The following OXR1 variants were observed in gnomAD, a reference collection of about 807,000 sequenced individuals.
OXR1 encodes oxidation resistance 1.
In OXR1, 41 loss-of-function variants were observed where a neutral mutation model predicts 104.6. That is an observed-to-expected ratio of 0.39 (90% CI 0.31 to 0.51). OXR1 has a LOEUF of 0.51. OXR1 is among the 20% of genes least tolerant of loss of function. OXR1 has a pLI of 0.77. For synonymous variants in OXR1, 348 were observed against 348.4 expected (o/e 1.00, Z 0.01); for missense variants, 955 against 1,031.9 (o/e 0.93, Z 1.02).
At chr8:106,738,654 A>T (rs1834620354) in intron 12 of OXR1, among the ~76,000 whole-genome samples, 2 of 151,440 alleles carry the variant, frequency 1.3e-5, no homozygotes, top group South Asian at 4.1e-4. Context: ...AATTAATATT[A>T]AAAAGTAAGC....
chr8:106,570,665 G>C (rs1400505379), intron 3 of OXR1, among the ~76,000 whole-genome samples: 2 of 152,090 alleles, frequency 1.3e-5, no homozygotes, highest in Non-Finnish European at 2.9e-5. Flanking sequence ...TTCATTTCCT[G>C]ACTCTGCTTC....
intron 3 of OXR1, among the ~76,000 whole-genome samples, chr8:106,651,185 C>A (rs933406096): frequency 6.6e-6 from 1 of 152,148 alleles, no homozygotes; most frequent in East Asian, 1.9e-4. Context: ...AGTTTCCACC[C>A]ACTGTTAGCA....
At chr8:106,371,815 C>G (rs1388010411) in intron 2 of OXR1, among the ~76,000 whole-genome samples, 1 of 152,220 alleles carries the variant, frequency 6.6e-6, no homozygotes, top group Non-Finnish European at 1.5e-5. Flanking sequence ...AAGAAACACT[C>G]TGGTGGCAGA....
intron 1 of OXR1, among the ~76,000 whole-genome samples, chr8:106,302,526 C>G (rs1341031337): frequency 6.7e-6 from 1 of 148,334 alleles, no homozygotes; most frequent in Non-Finnish European, 1.5e-5. Context: ...GCGGAGCTTG[C>G]AGTGAGCTTA....
chr8:106,628,655 T>C (rs1822386959), intron 3 of OXR1, among the ~76,000 whole-genome samples: 2 of 152,216 alleles, frequency 1.3e-5, no homozygotes, highest in South Asian at 4.1e-4. Context: ...CAAGGTTAGC[T>C]GATACCTCAC....
At chr8:106,568,260 G>T (rs1313837825) in intron 3 of OXR1, among the ~76,000 whole-genome samples, 1 of 152,104 alleles carries the variant, frequency 6.6e-6, no homozygotes, top group Non-Finnish European at 1.5e-5. Context: ...GAAAAAAATG[G>T]AGAACACGTA....
intron 1 of OXR1, among the ~76,000 whole-genome samples, chr8:106,303,216 T>C (rs930506445): frequency 6.6e-6 from 1 of 150,440 alleles, no homozygotes; most frequent in South Asian, 2.1e-4. Context: ...GGATGCTTAC[T>C]CTGCCAGGAA....
chr8:106,705,883 C>T (rs28921416), intron 8 of OXR1, among the ~76,000 whole-genome samples: 2 of 151,994 alleles, frequency 1.3e-5, no homozygotes, highest in African/African-American at 2.4e-5. Context: ...TTAAGCCTTA[C>T]ATTTGAGCCA....
intron 3 of OXR1, among the ~76,000 whole-genome samples, chr8:106,675,911 T>C (rs909078090): frequency 6.6e-6 from 1 of 152,064 alleles, no homozygotes; most frequent in Non-Finnish European, 1.5e-5. Context: ...GTATTATCGT[T>C]TGGGAGTATA....
At chr8:106,348,778 A>G (rs1815603207) in intron 1 of OXR1, among the ~76,000 whole-genome samples, 1 of 152,184 alleles carries the variant, frequency 6.6e-6, no homozygotes, top group Admixed American at 6.5e-5. Flanking sequence ...AGTGAAGAGC[A>G]CTGTGCTAGG....
chr8:106,494,156 A>AAT (rs1811274283), intron 2 of OXR1, among the ~76,000 whole-genome samples: 6 of 152,302 alleles, frequency 3.9e-5, no homozygotes, highest in African/African-American at 1.2e-4. Context: ...TTCATAGCTC[A>AAT]TAAACCACAG....
At chr8:106,596,025 A>G (rs1481413724) in intron 3 of OXR1, among the ~76,000 whole-genome samples, 1 of 152,208 alleles carries the variant, frequency 6.6e-6, no homozygotes, top group Admixed American at 6.5e-5. Context: ...TTTTAAATAT[A>G]AATTTTAGCA....
chr8:106,742,462 G>A, intron 15 of OXR1, 145 bp downstream of exon 15: 1 of 549,542 alleles, frequency 1.8e-6, no homozygotes. Context: ...AAGTTCATGT[G>A]GAACCCAAAA....
At chr8:106,430,419 T>C (rs961940299) in intron 2 of OXR1, among the ~76,000 whole-genome samples, 1 of 152,202 alleles carries the variant, frequency 6.6e-6, no homozygotes, top group Non-Finnish European at 1.5e-5. Flanking sequence ...CAAAATGAGC[T>C]GGTTTTAACA....
chr8:106,457,573 G>A (rs1321343701), intron 2 of OXR1, among the ~76,000 whole-genome samples: 1 of 152,198 alleles, frequency 6.6e-6, no homozygotes, highest in African/African-American at 2.4e-5. Context: ...ATTCAGAGGA[G>A]CAGGCTAGAA....
rs180856474 is a variant in OXR1 at position 106,574,397 on chromosome 8, G to A, written c.220+55258G>A. On this transcript the variant is annotated intron_variant, in intron 3 of 16. Transcript: ENST00000517566. ...CCAACATCTGCCAGTGGAAAAAAAG[G>A]GGGGAAATGAAGGATGGACACAGAA... 1.6e-3 allele frequency among the ~76,000 whole-genome samples: 239 copies of A among 152,278 alleles called. 1 individual carries two copies. Among genetic ancestry groups the A allele is most frequent in the Non-Finnish European group, 2.5e-4 (17 of 68,012 alleles).
chr8:106,279,787 TC>T (rs1490364740), intron 1 of OXR1, among the ~76,000 whole-genome samples: 1 of 152,190 alleles, frequency 6.6e-6, no homozygotes, highest in Non-Finnish European at 1.5e-5. Context: ...TTATCAGAGT[TC>T]CTTCACTGAC....
chr8:106,430,261 G>A (rs1211708695), intron 2 of OXR1, among the ~76,000 whole-genome samples: 3 of 152,138 alleles, frequency 2.0e-5, no homozygotes, highest in Non-Finnish European at 4.4e-5. Flanking sequence ...TGATGGAATG[G>A]AATTAGCTAG....
chr8:106,319,452 A>G (rs1345642894), intron 1 of OXR1, among the ~76,000 whole-genome samples: 1 of 152,230 alleles, frequency 6.6e-6, no homozygotes, highest in African/African-American at 2.4e-5. Flanking sequence ...AGAGAATTAA[A>G]TTTTTTGTCT....
Sources: gnomAD v4.1 joint callset for allele counts (sites outside exome capture counted in the v4.1 genomes callset) on GRCh38, gnomAD v4.1.1 for gene constraint, MANE v1.5 for transcripts, NCBI Gene and HGNC (gene_info 2026-07-23, HGNC 2026-07-21) for gene names.